KCNH5: variants seen among roughly 807,000 people sequenced by gnomAD.
KCNH5 encodes the protein potassium voltage-gated channel subfamily H member 5.
A neutral mutation model predicts 96.1 loss-of-function variants in KCNH5; 46 were observed. That is an observed-to-expected ratio of 0.48 (90% confidence interval 0.38 to 0.61). The LOEUF (loss-of-function observed/expected upper bound fraction) is 0.61. Ranked by LOEUF, KCNH5 falls within the 20% of genes least tolerant of loss-of-function variation. The probability of loss-of-function intolerance (pLI) is 0.00; values close to 1 mark genes in which losing one functional copy is unlikely to be tolerated. For missense variants in KCNH5, 907 were observed against 1,225.8 expected, an observed-to-expected ratio of 0.74 and a Z score of 3.88; for synonymous variants, 439 against 449.8, an observed-to-expected ratio of 0.98 and a Z score of 0.30.
chr14:62,899,053 G>C (rs1441558832), intron 7 of KCNH5, among the ~76,000 whole-genome samples: 1 of 152,002 alleles, frequency 6.6e-6, no homozygotes, highest in Non-Finnish European at 1.5e-5. Flanking sequence ...ATTTTAAAAA[G>C]TGATTTACCA....
At chr14:62,956,903 C>G (rs1170583343) in intron 6 of KCNH5, among the ~76,000 whole-genome samples, 3 of 152,156 alleles carry the variant, frequency 2.0e-5, no homozygotes, top group Admixed American at 6.6e-5. Context: ...TGCTTCATTT[C>G]ACTCCAAACT....
chr14:63,029,262 ATTC>A (rs1891581969), intron 1 of KCNH5, among the ~76,000 whole-genome samples: 1 of 128,896 alleles, frequency 7.8e-6, no homozygotes, highest in African/African-American at 3.4e-5. Flanking sequence ...TGACTCAAAT[ATTC>A]TCCCAGAACT....
chr14:62,865,993 T>C (rs776484612), intron 7 of KCNH5, among the ~76,000 whole-genome samples: 3 of 152,142 alleles, frequency 2.0e-5, no homozygotes, highest in African/African-American at 4.8e-5. Flanking sequence ...ATCATCGTCA[T>C]CTAACTAGAA....
chr14:62,875,537 G>T (rs1391898241), intron 7 of KCNH5, among the ~76,000 whole-genome samples: 1 of 151,894 alleles, frequency 6.6e-6, no homozygotes, highest in Non-Finnish European at 1.5e-5. Flanking sequence ...AAATTAAAAA[G>T]TCAAGAAACA....
intron 7 of KCNH5, among the ~76,000 whole-genome samples, chr14:62,921,170 A>C (rs561140457): frequency 6.6e-6 from 1 of 152,238 alleles, no homozygotes; most frequent in South Asian, 2.1e-4. Context: ...AACAAAAAAA[A>C]AGTCAAATGT....
intron 8 of KCNH5, among the ~76,000 whole-genome samples, chr14:62,820,888 T>TG (rs1385750290): frequency 6.6e-6 from 1 of 152,006 alleles, no homozygotes; most frequent in Admixed American, 6.6e-5. Flanking sequence ...TTATATTCTT[T>TG]GGGGCATATA....
At position 62,879,630 on chromosome 14, in the gene KCNH5, C is replaced by T. The variant is rs74871227; in HGVS notation, c.1370-29778G>A. Among the ~76,000 whole-genome samples, 1,097 of 152,164 alleles carry T rather than the reference C, an allele frequency of 7.2e-3. 12 individuals carry two copies. The highest frequency in any genetic ancestry group is 0.025 in the African/African-American group (1,055 of 41,498). ...CGAATACTCTCCAAAAAACTTGTGC[C>T]AATTTTTATATTACTATCTGTAGCG... On this transcript the variant is annotated intron_variant, in intron 7 of 10. Coordinates refer to ENST00000322893, the MANE Select transcript of KCNH5 (RefSeq NM_139318.5).
intron 10 of KCNH5, among the ~76,000 whole-genome samples, chr14:62,749,623 T>C (rs1885453559): frequency 6.6e-6 from 1 of 152,226 alleles, no homozygotes; most frequent in African/African-American, 2.4e-5. Flanking sequence ...CTTGAAAGTA[T>C]CTATGTCTAT....
chr14:62,983,531 A>C (rs1187406933), intron 5 of KCNH5, among the ~76,000 whole-genome samples: 2 of 152,052 alleles, frequency 1.3e-5, no homozygotes, highest in Non-Finnish European at 2.9e-5. Context: ...TAGAAATTGA[A>C]ACATCCTATA....
At chr14:62,887,053 G>C (rs904856080) in intron 7 of KCNH5, among the ~76,000 whole-genome samples, 9 of 152,126 alleles carry the variant, frequency 5.9e-5, no homozygotes, top group East Asian at 1.9e-4. Flanking sequence ...CATGTAAAGG[G>C]AAAATACATA....
At chr14:62,730,585 T>A (rs1053788169) in intron 10 of KCNH5, among the ~76,000 whole-genome samples, 2 of 152,240 alleles carry the variant, frequency 1.3e-5, no homozygotes, top group African/African-American at 2.4e-5. Context: ...AAGAGATATC[T>A]CTCCAGATTC....
intron 6 of KCNH5, among the ~76,000 whole-genome samples, chr14:62,961,691 T>C (rs1021972686): frequency 5.3e-5 from 8 of 151,902 alleles, no homozygotes; most frequent in Non-Finnish European, 7.4e-5. Flanking sequence ...GAAATGGAGA[T>C]GGAGATATGG....
intron 7 of KCNH5, among the ~76,000 whole-genome samples, chr14:62,882,409 T>A (rs1888512266): frequency 6.6e-6 from 1 of 152,198 alleles, no homozygotes; most frequent in African/African-American, 2.4e-5. Flanking sequence ...ATTTCTATGC[T>A]CCAAGACATG....
intron 10 of KCNH5, among the ~76,000 whole-genome samples, chr14:62,774,902 C>T (rs1050390702): frequency 3.9e-5 from 6 of 152,136 alleles, no homozygotes; most frequent in Non-Finnish European, 5.9e-5. Context: ...CTGGCAGAGC[C>T]TGTGGACCTC....
At chr14:63,033,680 T>TA (rs1326827652) in intron 1 of KCNH5, among the ~76,000 whole-genome samples, 2 of 152,126 alleles carry the variant, frequency 1.3e-5, no homozygotes, top group South Asian at 2.1e-4. Context: ...ATATATCAAA[T>TA]AAAAAATTCT....
intron 2 of KCNH5, among the ~76,000 whole-genome samples, chr14:63,013,963 C>A (rs1891277208): frequency 6.6e-6 from 1 of 151,950 alleles, no homozygotes; most frequent in Admixed American, 6.6e-5. Context: ...TAAAATAAAT[C>A]ATGCTTCCAA....
In KCNH5 at chr14:62,981,281, GTATT is replaced by G. The variant is rs766820445; in HGVS notation, c.550-21_550-18del. 19 of 1,611,894 alleles carry G rather than the reference GTATT, an allele frequency of 1.2e-5. No individual in the cohort carries two copies. In the African/African-American group the frequency reaches 1.5e-4, roughly 12 times the overall value. ...CTGAAGAACCTAAAAGAGAGAAAAT[GTATT>G]TATACATGACTAGGTTATCTCTGCA... On this transcript the variant is annotated intron_variant, in intron 5 of 10. Transcript: ENST00000322893.
chr14:62,885,281 G>A (rs1888574281), intron 7 of KCNH5, among the ~76,000 whole-genome samples: 1 of 152,108 alleles, frequency 6.6e-6, no homozygotes, highest in Non-Finnish European at 1.5e-5. Flanking sequence ...GACATCTAAA[G>A]TTCTTCTTAG....
intron 7 of KCNH5, among the ~76,000 whole-genome samples, chr14:62,880,025 T>C (rs1395595496): frequency 1.3e-5 from 2 of 152,172 alleles, no homozygotes; most frequent in African/African-American, 2.4e-5. Flanking sequence ...CATATATGCT[T>C]CAAAAAATAT....
Sources: allele counts gnomAD v4.1 joint callset (sites outside exome capture counted in the v4.1 genomes callset), GRCh38; gene constraint gnomAD v4.1.1; transcripts MANE v1.5; gene names NCBI Gene and HGNC (gene_info 2026-07-23, HGNC 2026-07-21).